VAC14: variants seen among roughly 807,000 people sequenced by gnomAD.
The protein encoded by VAC14 is protein VAC14 homolog.
Under a neutral mutation model 85.3 loss-of-function variants are expected in VAC14, and 47 were observed. The ratio of observed to expected loss-of-function variants is 0.55; its 90% CI spans 0.44 to 0.70. VAC14 has a LOEUF of 0.70. VAC14 is among the 30% of genes least tolerant of loss of function. The probability of loss-of-function intolerance (pLI) is 0.00; values close to 1 mark genes in which losing one functional copy is unlikely to be tolerated. For synonymous variants in VAC14, 447 were observed against 430.5 expected (o/e 1.04, Z -0.47); for missense variants, 861 against 1,004.3 (o/e 0.86, Z 1.93).
chr16:70,705,883 C>A (rs975384236), intron 14 of VAC14, among the ~76,000 whole-genome samples: 1 of 152,216 alleles, frequency 6.6e-6, no homozygotes. Flanking sequence ...TGTTGGTGGC[C>A]CCATGAGAGG....
At chr16:70,714,327 A>G (rs562453730) in intron 14 of VAC14, 92 of 152,374 alleles carry the variant, frequency 6.0e-4, no homozygotes, top group African/African-American at 2.0e-3. Context: ...GGAAATATTC[A>G]CAGACGGGGC....
intron 14 of VAC14, among the ~76,000 whole-genome samples, chr16:70,718,444 C>T (rs1046364804): frequency 6.6e-6 from 1 of 151,752 alleles, no homozygotes; most frequent in African/African-American, 2.4e-5. Flanking sequence ...TGGTCGTGGG[C>T]GCCTGTAGTC....
chr16:70,741,814 C>T (rs572871687), intron 13 of VAC14, among the ~76,000 whole-genome samples: 20 of 152,356 alleles, frequency 1.3e-4, no homozygotes, highest in South Asian at 1.0e-3. Context: ...GCCATAGCCT[C>T]GTTCATGGCC....
intron 12 of VAC14, among the ~76,000 whole-genome samples, chr16:70,760,614 A>C (rs1348825214): frequency 6.6e-6 from 1 of 152,170 alleles, no homozygotes; most frequent in Non-Finnish European, 1.5e-5. Flanking sequence ...ACGTGCCCCA[A>C]AACCCTGACA....
intron 12 of VAC14, among the ~76,000 whole-genome samples, chr16:70,758,362 G>A: frequency 6.6e-6 from 1 of 152,166 alleles, no homozygotes. Flanking sequence ...CCTTGGCCAG[G>A]GTCCCCGGTA....
rs1242483266 is a variant in VAC14, at chr16:70,762,765, C to T, written c.1305+116G>A. ...CCTCGCAGCACCTGTCACTTCTCTGCCGGCCAGGGTTTCCCTAGAAGGGCA... is the reference window on the plus strand; with the variant it reads ...CCTCGCAGCACCTGTCACTTCTCTGTCGGCCAGGGTTTCCCTAGAAGGGCA... On this transcript the variant is annotated intron_variant, in intron 11 of 18. Transcript: ENST00000261776. This position sits in a 1 kb window ranked among gnomAD's most constrained non-coding sequence, Gnocchi z 4.1. 14 of 1,541,166 alleles carry T rather than the reference C, an allele frequency of 9.1e-6. No homozygotes were observed. The East Asian group carries it at 3.2e-4, about 36-fold the overall frequency.
chr16:70,687,570 C>G lies in VAC14; in HGVS notation c.*358G>C. Reference sequence around the variant, plus strand: ...ACAGGCATGTGTTCACGTATGTATACATATACACACAAGGCCAGAGCTCTA... The same window carrying G: ...ACAGGCATGTGTTCACGTATGTATAGATATACACACAAGGCCAGAGCTCTA... On this transcript the variant is annotated 3_prime_UTR_variant, in exon 19 of 19. Coordinates refer to ENST00000261776, the MANE Select transcript of VAC14 (RefSeq NM_018052.5). 1 of 195,474 alleles carries G rather than the reference C, an allele frequency of 5.1e-6. No homozygotes were observed. The highest frequency in any genetic ancestry group is 1.2e-4 in the East Asian group (1 of 8,372). 12.1% of individuals were successfully genotyped at this position (195,474 alleles called of 1,614,324 possible).
intron 14 of VAC14, among the ~76,000 whole-genome samples, chr16:70,704,737 G>A (rs923793015): frequency 2.0e-5 from 3 of 152,238 alleles, no homozygotes; most frequent in African/African-American, 4.8e-5. Context: ...GCCGGAGCCC[G>A]CTCGGGAGGA....
rs1318074896 is a variant in VAC14 at position 70,800,838 on chromosome 16, C to CT, written c.62dup (p.Leu22AlafsTer83). Reference sequence around the variant, plus strand: ...CTGCCACCTTCCGCTTTTCGTACAGCTTGTCATTGAGGGCGCGCACGATGT... The same window carrying CT: ...CTGCCACCTTCCGCTTTTCGTACAGCTTTGTCATTGAGGGCGCGCACGATGT... On this transcript the variant is annotated frameshift_variant, in exon 1 of 19. Transcript: ENST00000261776. LOFTEE classifies it high-confidence loss of function. 3 of 1,609,580 alleles carry CT rather than the reference C, an allele frequency of 1.9e-6. No homozygotes were observed. The African/African-American group carries it at 4.0e-5, about 22-fold the overall frequency.
chr16:70,720,343 G>C (rs115344484), intron 14 of VAC14, among the ~76,000 whole-genome samples: 1,722 of 152,318 alleles, frequency 0.011, 30 homozygotes, highest in African/African-American at 0.039. Context: ...TAAATTTACA[G>C]TCACCAAAGA....
At chr16:70,743,642 G>A (rs1165471609) in intron 13 of VAC14, among the ~76,000 whole-genome samples, 2 of 152,214 alleles carry the variant, frequency 1.3e-5, no homozygotes, top group Non-Finnish European at 2.9e-5. Context: ...GTGAAGGTCC[G>A]TGGCTTCACT....
At chr16:70,726,792 G>A (rs2054441449) in intron 14 of VAC14, among the ~76,000 whole-genome samples, 1 of 152,184 alleles carries the variant, frequency 6.6e-6, no homozygotes, top group Non-Finnish European at 1.5e-5. Context: ...CAGAGTAGCT[G>A]GCTAAAAAAT....
At position 70,692,898 on chromosome 16, in the gene VAC14, G is replaced by T; in HGVS notation, c.2109C>A (p.Leu703=). 1 of 1,609,532 alleles carries T rather than the reference G, an allele frequency of 6.2e-7. No individual in the cohort carries two copies. The highest frequency in any genetic ancestry group is 8.5e-7 in the Non-Finnish European group (1 of 1,178,874). Reference sequence around the variant, plus strand: ...GCTGGAAGGCGCTGCTCTGCGGCAGGAGCATGAGCAGGCCGTAGAGGGCCT... The same window carrying T: ...GCTGGAAGGCGCTGCTCTGCGGCAGTAGCATGAGCAGGCCGTAGAGGGCCT... ...LIKALYGLLM[L]LPQSSAFQLL... Residue 703 remains leucine (L), a synonymous_variant, in exon 18 of 19, where the codon CTC becomes CTA. Transcript: ENST00000261776.
chr16:70,792,319 G>A (rs1166813804), intron 1 of VAC14, among the ~76,000 whole-genome samples: 1 of 152,190 alleles, frequency 6.6e-6, no homozygotes, highest in Non-Finnish European at 1.5e-5. Flanking sequence ...AGCCAGAGGT[G>A]GGGGATCTGA....
intron 12 of VAC14, 167 bp from the exon 13 acceptor site, chr16:70,744,746 A>G: frequency 1.5e-6 from 1 of 668,820 alleles, no homozygotes; most frequent in Non-Finnish European, 2.4e-6. Flanking sequence ...CATGCTCAGA[A>G]AAGTGAAACA....
chr16:70,724,882 G>A (rs1273484443), intron 14 of VAC14, among the ~76,000 whole-genome samples: 1 of 152,192 alleles, frequency 6.6e-6, no homozygotes, highest in Non-Finnish European at 1.5e-5. Flanking sequence ...CAATCGATAC[G>A]GCTACGGACT....
intron 3 of VAC14, 108 bp downstream of exon 3, chr16:70,785,594 C>T (rs1428340427): frequency 3.0e-6 from 4 of 1,339,990 alleles, no homozygotes; most frequent in Admixed American, 2.8e-5. Context: ...CAGCCACATG[C>T]TTGTTTGCTC....
chr16:70,691,899 C>G, intron 18 of VAC14: 1 of 985,268 alleles, frequency 1.0e-6, no homozygotes, highest in Non-Finnish European at 1.2e-6. Flanking sequence ...GGCGAGCACC[C>G]GAGGCCCTTT....
At chr16:70,704,460 G>GA (rs2053884693) in intron 14 of VAC14, among the ~76,000 whole-genome samples, 1 of 152,246 alleles carries the variant, frequency 6.6e-6, no homozygotes, top group African/African-American at 2.4e-5. Flanking sequence ...TGGAGGACAA[G>GA]ACTTCCTGGG....
Sources: allele counts gnomAD v4.1 joint callset (sites outside exome capture counted in the v4.1 genomes callset), GRCh38; gene constraint gnomAD v4.1.1; non-coding constraint Gnocchi (gnomAD v3.1); transcripts MANE v1.5; gene names NCBI Gene and HGNC (gene_info 2026-07-23, HGNC 2026-07-21).